The following LAMA2 variants were observed in gnomAD, a reference collection of about 807,000 sequenced individuals.
LAMA2 encodes laminin subunit alpha 2, also known as laminin subunit alpha-2.
In LAMA2, 269 loss-of-function variants were observed where a neutral mutation model predicts 364.8. That is an observed-to-expected ratio of 0.74 (90% CI 0.67 to 0.82). The LOEUF (loss-of-function observed/expected upper bound fraction) is 0.82. Among genes scored for constraint, LAMA2 ranks in the 40% least tolerant of loss-of-function variants. The pLI, the probability that LAMA2 is intolerant of heterozygous loss-of-function variation, is 0.00. For synonymous variants in LAMA2, 1,379 were observed against 1,370.6 expected (o/e 1.01, Z -0.14); for missense variants, 3,807 against 3,873.2 (o/e 0.98, Z 0.45).
chr6:129,386,756 A>G (rs952149403), intron 35 of LAMA2, among the ~76,000 whole-genome samples: 4 of 152,190 alleles, frequency 2.6e-5, no homozygotes, highest in Non-Finnish European at 5.9e-5. Context: ...TCCAAAACCC[A>G]TATCTAAAAT....
intron 22 of LAMA2, among the ~76,000 whole-genome samples, chr6:129,312,340 C>T (rs1467782041): frequency 2.0e-5 from 3 of 152,146 alleles, no homozygotes; most frequent in African/African-American, 7.2e-5. Context: ...TCAAGCTCTC[C>T]TTGGATTCCC....
At chr6:129,304,413 G>A (rs530281570) in intron 22 of LAMA2, among the ~76,000 whole-genome samples, 3 of 152,156 alleles carry the variant, frequency 2.0e-5, no homozygotes, top group African/African-American at 4.8e-5. Flanking sequence ...ACAGGTGCCC[G>A]CCACTACGCC....
intron 32 of LAMA2, among the ~76,000 whole-genome samples, chr6:129,357,611 G>A (rs747826561): frequency 2.0e-5 from 3 of 151,946 alleles, no homozygotes; most frequent in Non-Finnish European, 4.4e-5. Flanking sequence ...AGCTAAATGT[G>A]GTAATTTTCC....
chr6:129,268,436 C>T (rs1396872312), intron 16 of LAMA2, among the ~76,000 whole-genome samples: 1 of 151,954 alleles, frequency 6.6e-6, no homozygotes, highest in Non-Finnish European at 1.5e-5. Flanking sequence ...TTTACTTACC[C>T]TAAGAAGACA....
intron 3 of LAMA2, among the ~76,000 whole-genome samples, chr6:129,094,845 C>T (rs1050681178): frequency 6.6e-6 from 1 of 152,090 alleles, no homozygotes; most frequent in Non-Finnish European, 1.5e-5. Context: ...CAATGGATAA[C>T]AGAGGGTAAA....
chr6:129,414,456 G>C (rs1367610367), intron 40 of LAMA2, among the ~76,000 whole-genome samples: 1 of 152,080 alleles, frequency 6.6e-6, no homozygotes, highest in African/African-American at 2.4e-5. Flanking sequence ...ATATTTTAAA[G>C]ATCTGTAAAT....
chr6:129,475,269 T>G (rs1006047596), intron 52 of LAMA2, 121 bp from the exon 53 acceptor site: 20 of 636,108 alleles, frequency 3.1e-5, no homozygotes, highest in East Asian at 1.7e-4. Context: ...CCTTTGTAGA[T>G]CCCTGTGAAA....
At position 129,252,146 on chromosome 6, in the gene LAMA2, T is replaced by C. The variant is rs537361106; in HGVS notation, c.1947T>C (p.His649=). 17 of 1,613,108 alleles carry C rather than the reference T, an allele frequency of 1.1e-5. No individual in the cohort carries two copies. Among genetic ancestry groups the C allele is most frequent in the Non-Finnish European group, 1.3e-5 (15 of 1,179,294 alleles). ...TGTACCTGCACCCATCTGAAGAACA[T>C]ACTAATGTATTGTTACTTAAAGAAG... is the stretch of plus-strand genomic sequence containing the variant. ...DEVYLHPSEE[H]TNVLLLKEES... Residue 649 remains histidine (H), a synonymous_variant, in exon 14 of 65, where the codon CAT becomes CAC. Transcript: ENST00000421865.
At chr6:129,472,603 A>G (rs1202930957) in intron 51 of LAMA2, among the ~76,000 whole-genome samples, 1 of 151,998 alleles carries the variant, frequency 6.6e-6, no homozygotes, top group Non-Finnish European at 1.5e-5. Flanking sequence ...GACCCAAAAG[A>G]AAAGCAAGAA....
intron 3 of LAMA2, among the ~76,000 whole-genome samples, chr6:129,071,717 C>T (rs1209948292): frequency 1.3e-5 from 2 of 152,050 alleles, no homozygotes; most frequent in South Asian, 2.1e-4. Flanking sequence ...TTTTTCTAAT[C>T]GTTTTGTTTT....
chr6:129,505,842 T>G (rs1377651367), intron 61 of LAMA2, among the ~76,000 whole-genome samples: 6 of 151,838 alleles, frequency 4.0e-5, no homozygotes, highest in Non-Finnish European at 1.5e-5. Context: ...GACAGAAGGT[T>G]TTTTAGATAG....
At chr6:129,239,070 G>A (rs111605535) in intron 12 of LAMA2, among the ~76,000 whole-genome samples, 1,944 of 152,268 alleles carry the variant, frequency 0.013, 19 homozygotes, top group Non-Finnish European at 0.02. Context: ...ACAATAACAG[G>A]AACAATGATA....
intron 1 of LAMA2, among the ~76,000 whole-genome samples, chr6:129,036,870 G>A (rs1786673183): frequency 6.6e-6 from 1 of 152,116 alleles, no homozygotes; most frequent in Non-Finnish European, 1.5e-5. Flanking sequence ...GACAGCTATG[G>A]TTCAAATTGG....
At chr6:129,301,334 G>A (rs1773537510) in intron 22 of LAMA2, among the ~76,000 whole-genome samples, 1 of 152,026 alleles carries the variant, frequency 6.6e-6, no homozygotes, top group African/African-American at 2.4e-5. Flanking sequence ...TTTCCCATTG[G>A]TAGACCATAG....
At chr6:129,164,883 T>C (rs1779645784) in intron 8 of LAMA2, among the ~76,000 whole-genome samples, 1 of 152,208 alleles carries the variant, frequency 6.6e-6, no homozygotes, top group South Asian at 2.1e-4. Context: ...TCTTAAAATT[T>C]GATTTTAGAT....
At chr6:129,474,709 A>T (rs1482030313) in intron 52 of LAMA2, among the ~76,000 whole-genome samples, 1 of 152,194 alleles carries the variant, frequency 6.6e-6, no homozygotes. Flanking sequence ...GATTTTAATT[A>T]TCATAAAATA....
chr6:129,139,126 T>C (rs899714219), intron 4 of LAMA2, among the ~76,000 whole-genome samples: 3 of 152,148 alleles, frequency 2.0e-5, no homozygotes, highest in Admixed American at 6.6e-5. Context: ...ACCAATGGAA[T>C]AATAGGAGCA....
intron 1 of LAMA2, among the ~76,000 whole-genome samples, chr6:129,044,976 C>T (rs1261350252): frequency 6.6e-6 from 1 of 152,078 alleles, no homozygotes; most frequent in Non-Finnish European, 1.5e-5. Flanking sequence ...ATAGATTTAA[C>T]ATATAATGAA....
chr6:128,945,057 C>A (rs890318650), intron 1 of LAMA2, among the ~76,000 whole-genome samples: 3 of 152,128 alleles, frequency 2.0e-5, no homozygotes, highest in Admixed American at 2.0e-4. Flanking sequence ...TACATCACAG[C>A]ATTTGAGGAA....
Sources: gnomAD v4.1 joint callset for allele counts (sites outside exome capture counted in the v4.1 genomes callset) on GRCh38, gnomAD v4.1.1 for gene constraint, MANE v1.5 for transcripts, NCBI Gene and HGNC (gene_info 2026-07-23, HGNC 2026-07-21) for gene names.